AMPH: variants seen among roughly 807,000 people sequenced by gnomAD.
AMPH encodes the protein amphiphysin.
In AMPH, 49 loss-of-function variants were observed where a neutral mutation model predicts 99.1. That is an observed-to-expected ratio of 0.49 (90% CI 0.39 to 0.63). The LOEUF (loss-of-function observed/expected upper bound fraction) is 0.63. Among genes scored for constraint, AMPH ranks in the 20% least tolerant of loss-of-function variants. The probability of loss-of-function intolerance (pLI) is 0.00; values close to 1 mark genes in which losing one functional copy is unlikely to be tolerated. For synonymous variants in AMPH, 314 were observed against 317.3 expected, an observed-to-expected ratio of 0.99 and a Z score of 0.11; for missense variants, 759 against 863.4, an observed-to-expected ratio of 0.88 and a Z score of 1.52.
intron 1 of AMPH, among the ~76,000 whole-genome samples, chr7:38,584,601 G>A (rs986385367): frequency 2.6e-5 from 4 of 152,180 alleles, no homozygotes; most frequent in Non-Finnish European, 5.9e-5. Flanking sequence ...GAACTGGTAG[G>A]TCACTCTTGG....
intron 2 of AMPH, among the ~76,000 whole-genome samples, chr7:38,516,016 C>T (rs867040856): frequency 2.0e-5 from 3 of 152,180 alleles, no homozygotes; most frequent in Non-Finnish European, 2.9e-5. Flanking sequence ...GCAGCCTATG[C>T]TTATATTCAT....
At chr7:38,563,152 T>C (rs1791615711) in intron 1 of AMPH, among the ~76,000 whole-genome samples, 1 of 152,062 alleles carries the variant, frequency 6.6e-6, no homozygotes, top group Non-Finnish European at 1.5e-5. Context: ...AATGAATGAA[T>C]GAATGAATGA....
At chr7:38,398,178 T>A (rs556910861) in intron 17 of AMPH, among the ~76,000 whole-genome samples, 3 of 97,372 alleles carry the variant, frequency 3.1e-5, no homozygotes, top group African/African-American at 9.4e-5. Context: ...GCTAGGTATA[T>A]ACTCAAAAAA....
At chr7:38,465,318 G>T in intron 9 of AMPH, 149 bp downstream of exon 9, 1 of 629,892 alleles carries the variant, frequency 1.6e-6, no homozygotes. Flanking sequence ...AAATGTAAAA[G>T]CACAAAAATA....
At chr7:38,610,266 AAG>A (rs1793593522) in intron 1 of AMPH, among the ~76,000 whole-genome samples, 3 of 29,366 alleles carry the variant, frequency 1.0e-4, no homozygotes, top group African/African-American at 2.8e-4. Flanking sequence ...AAAAAAAAGA[AAG>A]AAAGAAAGAA....
At chr7:38,398,927 T>A (rs1364869200) in intron 17 of AMPH, among the ~76,000 whole-genome samples, 2 of 152,332 alleles carry the variant, frequency 1.3e-5, no homozygotes, top group Middle Eastern at 3.4e-3. Flanking sequence ...AGGCTCTGCC[T>A]GACTGCTCTG....
At chr7:38,412,312 C>T (rs1785238662) in intron 17 of AMPH, among the ~76,000 whole-genome samples, 2 of 152,192 alleles carry the variant, frequency 1.3e-5, no homozygotes, top group South Asian at 4.1e-4. Flanking sequence ...CTAAAAATGG[C>T]TCCTCAATAG....
chr7:38,497,252 C>T (rs1788964299), intron 3 of AMPH, among the ~76,000 whole-genome samples: 1 of 152,096 alleles, frequency 6.6e-6, no homozygotes, highest in Non-Finnish European at 1.5e-5. Flanking sequence ...AAGTTCTCTT[C>T]AGAGTAATTT....
chr7:38,609,257 G>A (rs902169698), intron 1 of AMPH, among the ~76,000 whole-genome samples: 1 of 152,196 alleles, frequency 6.6e-6, no homozygotes, highest in African/African-American at 2.4e-5. Context: ...GGCAAGAGCA[G>A]AGCTGGTTTT....
At chr7:38,620,544 TACATAC>T (rs199796042) in intron 1 of AMPH, among the ~76,000 whole-genome samples, 4,994 of 111,210 alleles carry the variant, frequency 0.045, 335 homozygotes, top group African/African-American at 0.16. Flanking sequence ...TATATATACA[TACATAC>T]ACACACACAC....
chr7:38,393,991 C>G lies in AMPH; in HGVS notation c.1608+14G>C. The G allele has an allele frequency of 6.2e-7, 1 of 1,614,134 alleles. No homozygotes were observed. Among genetic ancestry groups the G allele is most frequent in the South Asian group, 1.1e-5 (1 of 91,086 alleles). ...TTCCCAGGAGCTCCCCTGGCTGCGA[C>G]ATGGGACACTCACCTGAGGCACTGT... On this transcript the variant is annotated intron_variant, in intron 18 of 20. Coordinates refer to ENST00000356264, the MANE Select transcript of AMPH (RefSeq NM_001635.4).
intron 17 of AMPH, among the ~76,000 whole-genome samples, chr7:38,398,055 G>T (rs1784722196): frequency 6.6e-6 from 1 of 150,900 alleles, no homozygotes; most frequent in Non-Finnish European, 1.5e-5. Context: ...TATACTGTTG[G>T]TGGAAATGTA....
At chr7:38,422,287 T>C in intron 16 of AMPH, 134 bp downstream of exon 16, 1 of 712,728 alleles carries the variant, frequency 1.4e-6, no homozygotes, top group Non-Finnish European at 2.4e-6. Flanking sequence ...CATTCTCTCC[T>C]GTTTTCTAGA....
chr7:38,428,765 AT>A (rs1376424969), intron 14 of AMPH: 1 of 457,434 alleles, frequency 2.2e-6, no homozygotes, highest in Non-Finnish European at 4.4e-6. Flanking sequence ...GAATTCCATC[AT>A]GTAGACCTTG....
chr7:38,439,956 A>G (rs1027137940), intron 11 of AMPH, among the ~76,000 whole-genome samples: 2 of 152,188 alleles, frequency 1.3e-5, no homozygotes, highest in African/African-American at 4.8e-5. Context: ...GGGGTTGACC[A>G]TATGTCATGC....
At chr7:38,461,524 A>G in intron 10 of AMPH, 113 bp from the exon 11 acceptor site, 2 of 1,265,460 alleles carry the variant, frequency 1.6e-6, no homozygotes, top group East Asian at 2.4e-5. Flanking sequence ...TGAAACTTGT[A>G]TCTGCATATA....
At chr7:38,526,565 T>A (rs1022063076) in intron 2 of AMPH, among the ~76,000 whole-genome samples, 1 of 150,742 alleles carries the variant, frequency 6.6e-6, no homozygotes, top group African/African-American at 2.4e-5. Flanking sequence ...CGTGAGCCAC[T>A]GCACCCGGCC....
At chr7:38,611,805 G>A (rs1275536187) in intron 1 of AMPH, among the ~76,000 whole-genome samples, 2 of 152,100 alleles carry the variant, frequency 1.3e-5, no homozygotes, top group Non-Finnish European at 1.5e-5. Flanking sequence ...ATATTTTTCC[G>A]GTGCATGGGA....
chr7:38,398,531 T>C (rs887894559), intron 17 of AMPH, among the ~76,000 whole-genome samples: 1 of 152,124 alleles, frequency 6.6e-6, no homozygotes, highest in African/African-American at 2.4e-5. Context: ...AGAAGGATGC[T>C]TACCAGAGGC....
Sources: gnomAD v4.1 joint callset for allele counts (sites outside exome capture counted in the v4.1 genomes callset) on GRCh38, gnomAD v4.1.1 for gene constraint, MANE v1.5 for transcripts, NCBI Gene and HGNC (gene_info 2026-07-23, HGNC 2026-07-21) for gene names.